Variants in RPL7A observed in about 807,000 individuals in gnomAD.
The protein encoded by RPL7A is large ribosomal subunit protein eL8.
For missense variants in RPL7A, 291 were observed against 338.2 expected (o/e 0.86, Z 1.09); for synonymous variants, 158 against 128.2 (o/e 1.23, Z -1.57).
intron 3 of RPL7A, 84 bp from the exon 4 acceptor site, chr9:133,349,828 C>T (rs2129988833): frequency 6.2e-5 from 97 of 1,575,442 alleles, no homozygotes; most frequent in South Asian, 8.1e-5. Context: ...ATAGCAGGAC[C>T]GCAGTCCAGC....
intron 5 of RPL7A, 106 bp from the exon 6 acceptor site, chr9:133,350,491 T>TG (rs2129994098): frequency 2.5e-6 from 4 of 1,583,198 alleles, no homozygotes; most frequent in African/African-American, 2.7e-5. Flanking sequence ...AATTCAACCT[T>TG]GAAGTGCGAA....
chr9:133,348,454 A>G (rs1284840069), intron 1 of RPL7A: 1 of 689,682 alleles, frequency 1.4e-6, no homozygotes, highest in Non-Finnish European at 2.4e-6. Flanking sequence ...CGGGCGGCCG[A>G]GAGCGGAATG....
chr9:133,349,844 TTATTAAG>T (rs1451236751), intron 3 of RPL7A, 61 bp from the exon 4 acceptor site: 1 of 1,591,914 alleles, frequency 6.3e-7, no homozygotes, highest in East Asian at 2.2e-5. Context: ...CCAGCATTTG[TTATTAAG>T]TGTTAAGTGA....
intron 2 of RPL7A, 103 bp downstream of exon 2, chr9:133,349,145 T>C: frequency 5.1e-6 from 7 of 1,362,018 alleles, no homozygotes; most frequent in Non-Finnish European, 6.1e-6. Context: ...TGTAAAGTGG[T>C]CGCAGTCCTT....
At position 133,349,370 on chromosome 9, in the gene RPL7A, G is replaced by A. The variant is rs2129985258; in HGVS notation, c.125-181G>A. On this transcript the variant is annotated intron_variant, in intron 2 of 7. Transcript: ENST00000323345. Reference sequence around the variant, plus strand: ...TTCTTGTTAGATGAGGAAAAGCATCGTGCTCTTTGTTCTCAGGTGTTTGTG... The same window carrying A: ...TTCTTGTTAGATGAGGAAAAGCATCATGCTCTTTGTTCTCAGGTGTTTGTG... 9 of 912,690 alleles carry A rather than the reference G, an allele frequency of 9.9e-6. No homozygotes were observed. The East Asian group carries it at 1.9e-4, about 19-fold the overall frequency. The allele number at this position is 912,690 out of a possible 1,614,324, so 56.5% of individuals were successfully genotyped here.
rs2129983087 is a variant in RPL7A at position 133,349,056 on chromosome 9, G to A, written c.124+14G>A. On this transcript the variant is annotated intron_variant, in intron 2 of 7. Transcript: ENST00000323345. ...ATTTTGGCATTGGTAAGTAACAAAC[G>A]GCAGAATGAAAACGGTCTATGTTTT... 1.4e-5 allele frequency: 23 copies of A among 1,612,554 alleles called. No individual in the cohort carries two copies. In the Admixed American group the frequency reaches 2.2e-4, roughly 15 times the overall value.
At chr9:133,348,767 C>G in intron 1 of RPL7A, 155 bp from the exon 2 acceptor site, 2 of 1,108,600 alleles carry the variant, frequency 1.8e-6, no homozygotes, top group Admixed American at 1.8e-5. Context: ...ATGCTCCTGT[C>G]GAGGGGTGGT....
intron 1 of RPL7A, 84 bp downstream of exon 1, chr9:133,348,330 G>C (rs1015759281): frequency 1.9e-6 from 3 of 1,570,942 alleles, no homozygotes; most frequent in African/African-American, 2.7e-5. Context: ...GCCTCGGAGG[G>C]CCTCCTGCTC....
At chr9:133,348,341 C>T in intron 1 of RPL7A, 95 bp downstream of exon 1, 1 of 1,539,764 alleles carries the variant, frequency 6.5e-7, no homozygotes, top group Admixed American at 1.7e-5. Context: ...CCTCCTGCTC[C>T]TCCTGGCGCT....
chr9:133,349,148 C>A, intron 2 of RPL7A, 106 bp downstream of exon 2: 1 of 1,351,774 alleles, frequency 7.4e-7, no homozygotes, highest in Non-Finnish European at 1.0e-6. Context: ...AAAGTGGTCG[C>A]AGTCCTTAAT....
intron 1 of RPL7A, 179 bp from the exon 2 acceptor site, chr9:133,348,743 C>T (rs2129980492): frequency 1.6e-5 from 15 of 925,184 alleles, no homozygotes; most frequent in Non-Finnish European, 2.6e-5. Flanking sequence ...CATGCTTGTG[C>T]GGCTGAATGT....
rs2129990169 is a variant in RPL7A, at chr9:133,349,965, A to G, written c.328A>G (p.Lys110Glu). 6.2e-7 allele frequency: 1 copy of G among 1,612,166 alleles called. No homozygotes were observed. Among genetic ancestry groups the G allele is most frequent in the Non-Finnish European group, 8.5e-7 (1 of 1,180,030 alleles). The change falls in exon 4 of 8, where the codon AAG becomes GAG. Residue 110 changes from lysine to glutamate, a missense_variant. Coordinates refer to ENST00000323345, the MANE Select transcript of RPL7A (RefSeq NM_000972.3). ...HKYRPETKQE[K>E]KQRLLARAEK... ...GTACAGACCAGAGACAAAGCAAGAG[A>G]AGAAGCAGAGACTGTTGGCCCGGGC...
Position 133,349,873 on chromosome 9 carries a change from A to C in RPL7A, c.275-39A>C, listed in dbSNP as rs1309382620. 1.9e-6 allele frequency: 3 copies of C among 1,607,222 alleles called. No homozygotes were observed. In the African/African-American group the frequency reaches 4.0e-5, roughly 22 times the overall value. ...TAAGTGTTAAGTGACAAGGATTAGA[A>C]CCTTGACTCCAAGCCTAAACTGAAG... On this transcript the variant is annotated intron_variant, in intron 3 of 7. Transcript: ENST00000323345.
chr9:133,348,288 G>T (rs2129977790), intron 1 of RPL7A, 42 bp downstream of exon 1: 4 of 1,613,848 alleles, frequency 2.5e-6, no homozygotes, highest in South Asian at 1.1e-5. Flanking sequence ...CCAGGTTCCG[G>T]CTGTATCCGC....
intron 1 of RPL7A, 173 bp from the exon 2 acceptor site, chr9:133,348,749 A>T (rs2129980534): frequency 1.5e-5 from 15 of 968,938 alleles, no homozygotes; most frequent in Non-Finnish European, 1.6e-6. Context: ...TGTGCGGCTG[A>T]ATGTGAGATG....
chr9:133,350,062 C>A lies in RPL7A; in HGVS notation c.415+10C>A. On this transcript the variant is annotated intron_variant, in intron 4 of 7. Transcript: ENST00000323345. ...CCTGTCCTTCGAGCAGGTGAGTAGGCCCCACCTTAGGGTGAACACTGGGGG... is the reference window on the plus strand; with the variant it reads ...CCTGTCCTTCGAGCAGGTGAGTAGGACCCACCTTAGGGTGAACACTGGGGG... The A allele has an allele frequency of 6.2e-7, 1 of 1,613,866 alleles. No homozygotes were observed. The highest frequency in any genetic ancestry group is 8.5e-7 in the Non-Finnish European group (1 of 1,180,010).
At chr9:133,349,352 T>G (rs2129985051) in intron 2 of RPL7A, 199 bp from the exon 3 acceptor site, 1 of 871,378 alleles carries the variant, frequency 1.1e-6, no homozygotes, top group South Asian at 1.3e-5. Flanking sequence ...GGCTTCTTGT[T>G]AGATGAGGAA....
intron 4 of RPL7A, 35 bp from the exon 5 acceptor site, chr9:133,350,205 C>A (rs1279543293): frequency 6.2e-7 from 1 of 1,611,204 alleles, no homozygotes; most frequent in Non-Finnish European, 8.5e-7. Context: ...TAGAGCAGGC[C>A]CTGTGAGTGC....
chr9:133,350,200 C>T, intron 4 of RPL7A, 40 bp from the exon 5 acceptor site: 1 of 1,611,446 alleles, frequency 6.2e-7, no homozygotes, highest in Non-Finnish European at 8.5e-7. Flanking sequence ...GTGACTAGAG[C>T]AGGCCCTGTG....
Sources: allele counts gnomAD v4.1 joint callset, GRCh38; gene constraint gnomAD v4.1.1; transcripts MANE v1.5; gene names NCBI Gene and HGNC (gene_info 2026-07-23, HGNC 2026-07-21).